The following BRF1 variants were observed in gnomAD, a reference collection of about 807,000 sequenced individuals.
BRF1 encodes the protein transcription factor IIIB 90 kDa subunit.
BRF1 carries 59 observed loss-of-function variants against 81.7 expected under a neutral mutation model. That is an observed-to-expected ratio of 0.72 (90% CI 0.59 to 0.90). The LOEUF (loss-of-function observed/expected upper bound fraction) is 0.90, where lower values mean the gene tolerates loss of function less well. Ranked by LOEUF, BRF1 falls within the 40% of genes least tolerant of loss-of-function variation. The pLI is 0.00. For synonymous variants in BRF1, 491 were observed against 395.6 expected (o/e 1.24, Z -2.86); for missense variants, 1,050 against 936.3 (o/e 1.12, Z -1.58).
chr14:105,213,024 A>C (rs1890393241), intron 15 of BRF1: 1 of 152,190 alleles, frequency 6.6e-6, no homozygotes, highest in Non-Finnish European at 1.5e-5. Flanking sequence ...GTCCCTCTCC[A>C]GACTGGAGAC....
Position 105,241,323 on chromosome 14 carries a change from C to G in BRF1, c.636G>C (p.Gln212His), listed in dbSNP as rs748237948. Residue 212 changes from glutamine (Q) to histidine (H), a missense_variant, in exon 6 of 18, where the codon CAG (glutamine) becomes CAC (histidine). Coordinates refer to ENST00000547530, the MANE Select transcript of BRF1 (RefSeq NM_001519.4). Reference sequence around the variant, plus strand: ...TGTGCATCCAGTCCCGCTTCATCCTCTGTAGGAGCCTCAGGGCAGTCATGG... The same window carrying G: ...TGTGCATCCAGTCCCGCTTCATCCTGTGTAGGAGCCTCAGGGCAGTCATGG... ...EVSMTALRLL[Q>H]RMKRDWMHTG... 1.4e-5 allele frequency: 22 copies of G among 1,612,778 alleles called. No individual in the cohort carries two copies. The highest frequency in any genetic ancestry group is 1.9e-5 in the Non-Finnish European group (22 of 1,179,946).
At chr14:105,218,233 C>A (rs1038203488) in intron 14 of BRF1, among the ~76,000 whole-genome samples, 1 of 152,216 alleles carries the variant, frequency 6.6e-6, no homozygotes, top group African/African-American at 2.4e-5. Flanking sequence ...AAGGCCCCAG[C>A]TGCCCGAAGA....
chr14:105,215,857 C>A (rs1284937760), intron 15 of BRF1, among the ~76,000 whole-genome samples: 1 of 150,826 alleles, frequency 6.6e-6, no homozygotes, highest in African/African-American at 2.4e-5. Context: ...CACAGGCACA[C>A]ACACACATGC....
chr14:105,229,416 C>T (rs1041414300), intron 6 of BRF1, among the ~76,000 whole-genome samples: 6 of 152,224 alleles, frequency 3.9e-5, no homozygotes, highest in Non-Finnish European at 2.9e-5. Flanking sequence ...CGCAGGGATG[C>T]CGGTACCTGG....
intron 1 of BRF1, among the ~76,000 whole-genome samples, chr14:105,294,710 CA>C (rs1381966227): frequency 1.3e-5 from 2 of 151,700 alleles, no homozygotes; most frequent in Admixed American, 1.3e-4. Flanking sequence ...GCAAGAGAGA[CA>C]AAGGGAAAAA....
chr14:105,248,777 T>G (rs944790430), intron 5 of BRF1: 2 of 980,722 alleles, frequency 2.0e-6, no homozygotes, highest in African/African-American at 3.6e-5. Context: ...TGCTTTTGCT[T>G]GCAGAGCCGC....
At chr14:105,226,821 T>C (rs1248010892) in intron 7 of BRF1, 61 bp from the exon 8 acceptor site, 1 of 1,608,822 alleles carries the variant, frequency 6.2e-7, no homozygotes, top group Non-Finnish European at 8.5e-7. Context: ...TGTTTAAAAC[T>C]GAGCTTTCGC....
rs146465774 is a variant in BRF1 at position 105,269,182 on chromosome 14, C to A, written c.439+3539G>T. Among the ~76,000 whole-genome samples the A allele has an allele frequency of 3.3e-5, 5 of 152,078 alleles. No individual in the cohort carries two copies. The highest frequency in any genetic ancestry group is 7.4e-5 in the Non-Finnish European group (5 of 67,998). ...CCCGCAACCTGAAGGGAGGGCAGAG[C>A]GGGACATGCTACACCTGGCCTGACC... On this transcript the variant is annotated intron_variant, in intron 3 of 17. Coordinates refer to ENST00000547530, the MANE Select transcript of BRF1 (RefSeq NM_001519.4). The surrounding 1 kb of genome is among the most constrained non-coding windows in gnomAD (Gnocchi z 5.0).
In BRF1 at chr14:105,250,445, A is replaced by G. The variant is rs758211323; in HGVS notation, c.544+2062T>C. ...GACCAAGTTCATGTCAGACGGATCCAGTAACACCTTCCCGGTCTGGTTTGA... is the reference window on the plus strand; with the variant it reads ...GACCAAGTTCATGTCAGACGGATCCGGTAACACCTTCCCGGTCTGGTTTGA... On this transcript the variant is annotated intron_variant, in intron 5 of 17. Transcript: ENST00000547530. 4 of 1,614,028 alleles carry G rather than the reference A, an allele frequency of 2.5e-6. No homozygotes were observed. In the East Asian group the frequency reaches 8.9e-5, roughly 36 times the overall value.
intron 10 of BRF1, 110 bp downstream of exon 10, chr14:105,225,959 C>A (rs1017144523): frequency 3.5e-6 from 4 of 1,140,638 alleles, no homozygotes; most frequent in Admixed American, 2.4e-5. Context: ...AACTTACATT[C>A]TGTAGATAAT....
At position 105,211,189 on chromosome 14, in the gene BRF1, G is replaced by A. The variant is rs961802130; in HGVS notation, c.1929C>T (p.Asp643=). Residue 643 remains aspartate, a synonymous_variant, in exon 17 of 18, where the codon GAC becomes GAT. Coordinates refer to ENST00000547530, the MANE Select transcript of BRF1 (RefSeq NM_001519.4). ...PVSYHADEEA[D]EEEPDEEDGE... ...CGTCCTCCTCGTCAGGCTCCTCCTC[G>A]TCAGCCTCCTCGTCGGCGTGGTATG... The A allele has an allele frequency of 1.8e-5, 29 of 1,611,942 alleles. No individual in the cohort carries two copies. Among genetic ancestry groups the A allele is most frequent in the Middle Eastern group, 3.3e-4 (2 of 6,048 alleles).
chr14:105,312,420 C>T (rs1365686842), intron 1 of BRF1, among the ~76,000 whole-genome samples: 1 of 152,242 alleles, frequency 6.6e-6, no homozygotes, highest in Non-Finnish European at 1.5e-5. Context: ...GACCCCAGGG[C>T]TCTGAAGGAT....
chr14:105,275,599 GA>G (rs1566857943), intron 2 of BRF1, among the ~76,000 whole-genome samples: 2 of 152,234 alleles, frequency 1.3e-5, no homozygotes. Flanking sequence ...CTGTATGTTT[GA>G]AAATTCTGTA....
chr14:105,219,468 G>A, intron 12 of BRF1: 1 of 853,896 alleles, frequency 1.2e-6, no homozygotes, highest in Non-Finnish European at 1.7e-6. Context: ...GACCCCCTAG[G>A]GCAGCTTGCA....
rs1244042962 is a variant in BRF1 at position 105,297,387 on chromosome 14, T to C, written c.184+3059A>G. Among the ~76,000 whole-genome samples the C allele has an allele frequency of 6.6e-5, 10 of 151,748 alleles. No individual in the cohort carries two copies. In the East Asian group the frequency reaches 1.2e-3, roughly 18 times the overall value. Reference sequence around the variant, plus strand: ...TTCGAGACCAGCCTGGCCAATGTGGTGAAACCCCGTCTCTACTAAAAAATA... The same window carrying C: ...TTCGAGACCAGCCTGGCCAATGTGGCGAAACCCCGTCTCTACTAAAAAATA... On this transcript the variant is annotated intron_variant, in intron 1 of 17. Transcript: ENST00000547530.
intron 8 of BRF1, 126 bp downstream of exon 8, chr14:105,226,508 A>C: frequency 6.5e-7 from 1 of 1,534,856 alleles, no homozygotes; most frequent in Non-Finnish European, 8.8e-7. Flanking sequence ...CTGGCTGGTC[A>C]TAGCACTGAA....
intron 15 of BRF1, 194 bp downstream of exon 15, chr14:105,217,350 C>A: frequency 1.2e-6 from 1 of 860,204 alleles, no homozygotes; most frequent in Non-Finnish European, 1.7e-6. Flanking sequence ...TCACAGCCTG[C>A]CAGGCCAAGG....
In BRF1 at chr14:105,210,691, T is replaced by C; in HGVS notation, c.1997-103A>G. The stretch of plus-strand genomic sequence containing the variant: ...TGGTGCCCCCCTAGAAGACTCAGGC[T>C]CCAGCCCCAGCCCCAGCCCCCCGCG... On this transcript the variant is annotated intron_variant, in intron 17 of 17. Coordinates refer to ENST00000547530, the MANE Select transcript of BRF1 (RefSeq NM_001519.4). This position sits in a 1 kb window ranked among gnomAD's most constrained non-coding sequence, Gnocchi z 4.7. 2 of 1,348,198 alleles carry C rather than the reference T, an allele frequency of 1.5e-6. No homozygotes were observed. Among genetic ancestry groups the C allele is most frequent in the Non-Finnish European group, 2.0e-6 (2 of 983,780 alleles). 83.5% of individuals were successfully genotyped at this position (1,348,198 alleles called of 1,614,324 possible).
intron 5 of BRF1, chr14:105,242,401 A>G (rs1000039643): frequency 7.9e-5 from 12 of 152,198 alleles, no homozygotes; most frequent in African/African-American, 2.9e-4. Flanking sequence ...GATTTTCAAT[A>G]AGATACAATC....
Sources: allele counts gnomAD v4.1 joint callset (sites outside exome capture counted in the v4.1 genomes callset), GRCh38; gene constraint gnomAD v4.1.1; non-coding constraint Gnocchi (gnomAD v3.1); transcripts MANE v1.5; gene names NCBI Gene and HGNC (gene_info 2026-07-23, HGNC 2026-07-21).